TBC1D5: variants seen among roughly 807,000 people sequenced by gnomAD.
TBC1D5 encodes the protein TBC1 domain family member 5.
A neutral mutation model predicts 100.3 loss-of-function variants in TBC1D5; 75 were observed. The observed-to-expected ratio is 0.75, with a 90% CI of 0.62 to 0.91. The LOEUF (loss-of-function observed/expected upper bound fraction) is 0.91. Among genes scored for constraint, TBC1D5 ranks in the 40% least tolerant of loss-of-function variants. TBC1D5 has a pLI of 0.00. For missense variants in TBC1D5, 910 were observed against 942.4 expected (o/e 0.97, Z 0.45); for synonymous variants, 323 against 325.6 (o/e 0.99, Z 0.09).
At chr3:17,640,265 T>G (rs1404311944) in intron 1 of TBC1D5, among the ~76,000 whole-genome samples, 1 of 152,004 alleles carries the variant, frequency 6.6e-6, no homozygotes, top group East Asian at 1.9e-4. Flanking sequence ...TCTTTTTATT[T>G]AAAAAAAATC....
intron 1 of TBC1D5, among the ~76,000 whole-genome samples, chr3:17,682,090 C>G (rs2153812321): frequency 6.6e-6 from 1 of 151,356 alleles, no homozygotes; most frequent in East Asian, 1.9e-4. Flanking sequence ...AAACCAATCC[C>G]TGGTGCCAAA....
At chr3:17,393,576 C>T (rs979935499) in intron 8 of TBC1D5, among the ~76,000 whole-genome samples, 4 of 152,096 alleles carry the variant, frequency 2.6e-5, no homozygotes, top group Non-Finnish European at 4.4e-5. Flanking sequence ...TCAAACTATA[C>T]TACAAGGCTA....
intron 16 of TBC1D5, among the ~76,000 whole-genome samples, chr3:17,255,211 C>CT (rs1283458932): frequency 4.0e-5 from 6 of 151,896 alleles, no homozygotes; most frequent in Non-Finnish European, 8.8e-5. Context: ...TCTTGTGTTT[C>CT]TTTTTTTGAG....
At chr3:17,435,068 T>C (rs558024477) in intron 3 of TBC1D5, among the ~76,000 whole-genome samples, 9 of 152,312 alleles carry the variant, frequency 5.9e-5, no homozygotes, top group African/African-American at 1.9e-4. Flanking sequence ...CTGGACTTTA[T>C]TGTCCATATC....
intron 2 of TBC1D5, among the ~76,000 whole-genome samples, chr3:17,521,430 G>T (rs2096062563): frequency 6.6e-6 from 1 of 151,994 alleles, no homozygotes; most frequent in Non-Finnish European, 1.5e-5. Context: ...TAACTTTATT[G>T]TAAGAATACA....
At chr3:17,478,703 C>T (rs1481266689) in intron 3 of TBC1D5, among the ~76,000 whole-genome samples, 3 of 152,196 alleles carry the variant, frequency 2.0e-5, no homozygotes, top group Admixed American at 2.0e-4. Flanking sequence ...TGTGGCAGAT[C>T]TGACAAGGTC....
intron 20 of TBC1D5, 85 bp from the exon 22 acceptor site, chr3:17,167,013 T>A: frequency 8.0e-7 from 1 of 1,245,642 alleles, no homozygotes. Flanking sequence ...ACATTTGAAC[T>A]AGCCTTGTCA....
chr3:17,684,829 G>A (rs992856971), intron 1 of TBC1D5, among the ~76,000 whole-genome samples: 1 of 151,580 alleles, frequency 6.6e-6, no homozygotes, highest in Non-Finnish European at 1.5e-5. Flanking sequence ...AATATAAGGT[G>A]GATTTAAAAA....
At chr3:17,253,964 C>T (rs1160914820) in intron 16 of TBC1D5, among the ~76,000 whole-genome samples, 3 of 152,180 alleles carry the variant, frequency 2.0e-5, no homozygotes, top group Non-Finnish European at 4.4e-5. Context: ...AGAGAGCCGA[C>T]TATGGGACTT....
intron 4 of TBC1D5, among the ~76,000 whole-genome samples, chr3:17,418,641 T>TAGTACTATCAAATAGCA (rs2094140098): frequency 6.6e-6 from 1 of 152,140 alleles, no homozygotes; most frequent in African/African-American, 2.4e-5. Flanking sequence ...TTTTAAACTT[T>TAGTACTATCAAATAGCA]AGTACTATCA....
chr3:17,295,446 G>C (rs1251586199), intron 14 of TBC1D5, among the ~76,000 whole-genome samples: 8 of 152,222 alleles, frequency 5.3e-5, no homozygotes, highest in Non-Finnish European at 8.8e-5. Context: ...AGGCAGAGCT[G>C]ACTTCTCTGT....
chr3:17,633,167 T>C (rs531127107), intron 1 of TBC1D5, among the ~76,000 whole-genome samples: 182 of 152,304 alleles, frequency 1.2e-3, no homozygotes, highest in African/African-American at 4.2e-3. Flanking sequence ...CCGTGCACGG[T>C]GACCCATGCC....
intron 8 of TBC1D5, among the ~76,000 whole-genome samples, chr3:17,389,881 T>C (rs1231005348): frequency 6.6e-6 from 1 of 152,138 alleles, no homozygotes; most frequent in East Asian, 1.9e-4. Flanking sequence ...ATTAACTCAT[T>C]AGAAGTCATA....
At chr3:17,219,019 T>A (rs1467748015) in intron 17 of TBC1D5, among the ~76,000 whole-genome samples, 1 of 151,778 alleles carries the variant, frequency 6.6e-6, no homozygotes, top group Non-Finnish European at 1.5e-5. Context: ...CTTCTCTCCT[T>A]CTGAGGCTCT....
chr3:17,713,668 C>T (rs182766834), intron 1 of TBC1D5, among the ~76,000 whole-genome samples: 6 of 151,472 alleles, frequency 4.0e-5, no homozygotes, highest in Non-Finnish European at 7.4e-5. Context: ...ATATAAAGAA[C>T]TCTTAAAATT....
chr3:17,340,690 G>A (rs369292548), intron 13 of TBC1D5: 1 of 152,204 alleles, frequency 6.6e-6, no homozygotes, highest in Non-Finnish European at 1.5e-5. Flanking sequence ...ATTCTTCCAA[G>A]GGCAGCTGAA....
At chr3:17,386,001 G>T (rs2093137613) in intron 8 of TBC1D5, among the ~76,000 whole-genome samples, 1 of 152,076 alleles carries the variant, frequency 6.6e-6, no homozygotes, top group South Asian at 2.1e-4. Flanking sequence ...TGAAACAAAA[G>T]AAAGTTGCTA....
intron 14 of TBC1D5, among the ~76,000 whole-genome samples, chr3:17,297,898 A>G (rs2082425206): frequency 6.6e-6 from 1 of 152,072 alleles, no homozygotes; most frequent in Admixed American, 6.6e-5. Context: ...TCGCCAAAAC[A>G]AAGTCTTTTA....
intron 17 of TBC1D5, 128 bp downstream of exon 17, chr3:17,238,031 TTATA>T: frequency 7.5e-7 from 1 of 1,332,944 alleles, no homozygotes. Flanking sequence ...TATTCCAACT[TTATA>T]TAACATATTT....
Sources: gnomAD v4.1 joint callset for allele counts (sites outside exome capture counted in the v4.1 genomes callset) on GRCh38, gnomAD v4.1.1 for gene constraint, MANE v1.5 for transcripts, NCBI Gene and HGNC (gene_info 2026-07-23, HGNC 2026-07-21) for gene names.